The following CROCC2 variants were observed in gnomAD, a reference collection of about 807,000 sequenced individuals.
The protein encoded by CROCC2 is ciliary rootlet coiled-coil, rootletin family member 2.
In CROCC2, 163 loss-of-function variants were observed where a neutral mutation model predicts 177.6. The observed-to-expected ratio is 0.92, with a 90% CI of 0.81 to 1.05. The LOEUF is 1.05. Ranked by LOEUF, CROCC2 falls within the 50% of genes least tolerant of loss-of-function variation. CROCC2 has a pLI of 0.00. For synonymous variants in CROCC2, 904 were observed against 787.3 expected (o/e 1.15, Z -2.48); for missense variants, 1,929 against 1,797.8 (o/e 1.07, Z -1.32).
chr2:240,932,449 G>C lies in CROCC2; in HGVS notation c.1044+35G>C, dbSNP rs549633089. On this transcript the variant is annotated intron_variant, in intron 8 of 31. Transcript: ENST00000690015. ...CAGGACGGGGGTGGCTGTGTGGCAGGGGTCTGTCACCCTTGCTCAGGAGTC... is the reference window on the plus strand; with the variant it reads ...CAGGACGGGGGTGGCTGTGTGGCAGCGGTCTGTCACCCTTGCTCAGGAGTC... The C allele has an allele frequency of 1.2e-4, 86 of 717,304 alleles. No individual in the cohort carries two copies. In the East Asian group the frequency reaches 2.0e-3, roughly 17 times the overall value. 44.4% of individuals were successfully genotyped at this position (717,304 alleles called of 1,614,324 possible).
intron 27 of CROCC2, among the ~76,000 whole-genome samples, chr2:240,969,410 C>A (rs1365126188): frequency 6.6e-6 from 1 of 152,234 alleles, no homozygotes; most frequent in African/African-American, 2.4e-5. Flanking sequence ...GGGCAGAGAG[C>A]AGAGGCCAGG....
chr2:240,959,194 C>A (rs908217843), intron 19 of CROCC2, 107 bp from the exon 20 acceptor site: 17 of 1,317,542 alleles, frequency 1.3e-5, no homozygotes, highest in East Asian at 2.7e-5. Flanking sequence ...CCGGCTCCCC[C>A]TCCCAGGCCA....
chr2:240,925,668 GC>G, intron 4 of CROCC2, 55 bp from the exon 5 acceptor site: 3 of 648,718 alleles, frequency 4.6e-6, no homozygotes, highest in Middle Eastern at 2.5e-4. Flanking sequence ...GACTCTGAGC[GC>G]CTCTCTTAGG....
At chr2:240,987,150 C>A (rs1305696350) in intron 28 of CROCC2, among the ~76,000 whole-genome samples, 2 of 152,208 alleles carry the variant, frequency 1.3e-5, no homozygotes, top group East Asian at 3.9e-4. Context: ...GTGGACGCTG[C>A]TGGGGGTGGA....
chr2:240,949,124 C>A lies in CROCC2; in HGVS notation c.2482+27C>A. On this transcript the variant is annotated intron_variant, in intron 16 of 31. Coordinates refer to ENST00000690015, the MANE Select transcript of CROCC2 (RefSeq NM_001351305.2). This position sits in a 1 kb window ranked among gnomAD's most constrained non-coding sequence, Gnocchi z 4.5. ...TGCTCCAAGGGCGCTCCCTCAGCTC[C>A]TTCCCCGAAAGTCAGCCATGGAGGG... The A allele has an allele frequency of 2.0e-6, 3 of 1,500,634 alleles. No individual in the cohort carries two copies. The highest frequency in any genetic ancestry group is 2.7e-6 in the Non-Finnish European group (3 of 1,126,166). 93.0% of individuals were successfully genotyped at this position (1,500,634 alleles called of 1,614,324 possible). A position where few individuals can be genotyped will look rare whatever the true frequency, so the allele number is the denominator to read the frequency against.
chr2:240,982,757 G>C lies in CROCC2; in HGVS notation c.4402-123G>C, dbSNP rs1380513281. On this transcript the variant is annotated intron_variant, in intron 27 of 31. Coordinates refer to ENST00000690015, the MANE Select transcript of CROCC2 (RefSeq NM_001351305.2). This position sits in a 1 kb window ranked among gnomAD's most constrained non-coding sequence, Gnocchi z 4.7. ...GGTTGTCCTTAACCACGTTCTTGCT[G>C]TTTTCATCCCAGCGATACGGTCCTG... The C allele has an allele frequency of 2.4e-6, 2 of 819,046 alleles. No homozygotes were observed. Among genetic ancestry groups the C allele is most frequent in the Non-Finnish European group, 3.8e-6 (2 of 530,116 alleles). 50.7% of individuals were successfully genotyped at this position (819,046 alleles called of 1,614,324 possible).
At chr2:240,910,433 C>G (rs1384961767) in intron 1 of CROCC2, among the ~76,000 whole-genome samples, 2 of 148,760 alleles carry the variant, frequency 1.3e-5, no homozygotes, top group Non-Finnish European at 3.0e-5. Flanking sequence ...TCCATTACAT[C>G]CAAATTTTCA....
rs2059333553 is a variant in CROCC2, at chr2:240,918,413, G to A, written c.79-313G>A. ...CCTGTCAGCATCCCCTAGGGAACTG[G>A]CAACCGCTTAGCCAGCGCTCAGCCC... On this transcript the variant is annotated intron_variant, in intron 1 of 31. Transcript: ENST00000690015. The surrounding 1 kb of genome is among the most constrained non-coding windows in gnomAD (Gnocchi z 6.3). Among the ~76,000 whole-genome samples the A allele has an allele frequency of 6.6e-6, 1 of 152,190 alleles. No homozygotes were observed. Among genetic ancestry groups the A allele is most frequent in the Admixed American group, 6.5e-5 (1 of 15,280 alleles).
Position 240,949,820 on chromosome 2 carries a change from C to A in CROCC2, c.2652+118C>A. 2 of 1,109,970 alleles carry A rather than the reference C, an allele frequency of 1.8e-6. No individual in the cohort carries two copies. The highest frequency in any genetic ancestry group is 2.5e-6 in the Non-Finnish European group (2 of 788,824). The allele number at this position is 1,109,970 out of a possible 1,614,324, so 68.8% of individuals were successfully genotyped here. On this transcript the variant is annotated intron_variant, in intron 17 of 31. Coordinates refer to ENST00000690015, the MANE Select transcript of CROCC2 (RefSeq NM_001351305.2). This position sits in a 1 kb window ranked among gnomAD's most constrained non-coding sequence, Gnocchi z 4.5. ...AGAGCTCAGAGACATAGGCGCCTGG[C>A]CAGGGCTGGGCAAGGACCAGCTCAC...
At chr2:240,987,145 C>T (rs952091314) in intron 28 of CROCC2, among the ~76,000 whole-genome samples, 16 of 152,186 alleles carry the variant, frequency 1.1e-4, no homozygotes, top group African/African-American at 2.2e-4. Flanking sequence ...CTCCCGTGGA[C>T]GCTGCTGGGG....
rs796255116 is a variant in CROCC2 at position 240,934,445 on chromosome 2, G to A, written c.1761G>A (p.Glu587=). 1.4e-5 allele frequency: 22 copies of A among 1,548,454 alleles called. 1 individual carries two copies. The African/African-American group carries it at 2.9e-4, about 20-fold the overall frequency. ...TGCAGCGGGATGTCGTGGAGAGTGAGAGGGAGGGACTGCGCAGCGCCCTGG... is the reference window on the plus strand; with the variant it reads ...TGCAGCGGGATGTCGTGGAGAGTGAAAGGGAGGGACTGCGCAGCGCCCTGG... ...AQLQRDVVES[E]REGLRSALAR... The change falls in exon 12 of 32, where the codon GAG becomes GAA. Residue 587 remains glutamate, a synonymous_variant. Coordinates refer to ENST00000690015, the MANE Select transcript of CROCC2 (RefSeq NM_001351305.2).
At chr2:240,931,168 CG>C (rs1574756765) in intron 7 of CROCC2, 40 bp downstream of exon 7, 6 of 677,850 alleles carry the variant, frequency 8.9e-6, no homozygotes, top group South Asian at 1.6e-5. Flanking sequence ...AGGGAGGGCC[CG>C]GGGGGTCGGG....
rs1418138823 is a variant in CROCC2 at position 240,951,269 on chromosome 2, G to A, written c.2829+759G>A. Among the ~76,000 whole-genome samples the A allele has an allele frequency of 5.3e-5, 7 of 130,898 alleles. No individual in the cohort carries two copies. The East Asian group carries it at 7.3e-4, about 14-fold the overall frequency. 85.9% of individuals were successfully genotyped at this position (130,898 alleles called of 152,430 possible). On this transcript the variant is annotated intron_variant, in intron 18 of 31. Transcript: ENST00000690015. Reference sequence around the variant, plus strand: ...TGTCCATCCATTCATTCATCCATCCGTCTGTCCATCCATTCACCCATCCAT... The same window carrying A: ...TGTCCATCCATTCATTCATCCATCCATCTGTCCATCCATTCACCCATCCAT...
intron 1 of CROCC2, among the ~76,000 whole-genome samples, chr2:240,913,504 T>C (rs921559916): frequency 6.6e-5 from 10 of 152,242 alleles, no homozygotes; most frequent in African/African-American, 1.9e-4. Context: ...AGCAGTGCGC[T>C]GTGTCCGAGC....
intron 4 of CROCC2, among the ~76,000 whole-genome samples, chr2:240,925,411 C>T (rs1197133797): frequency 6.6e-6 from 1 of 152,216 alleles, no homozygotes; most frequent in African/African-American, 2.4e-5. Flanking sequence ...CACCTTGTCT[C>T]AGGCATTGAG....
chr2:240,974,703 C>T (rs1473177470), intron 27 of CROCC2, among the ~76,000 whole-genome samples: 1 of 151,904 alleles, frequency 6.6e-6, no homozygotes, highest in Non-Finnish European at 1.5e-5. Flanking sequence ...TTTCTTATTT[C>T]TTGAAAGGAA....
Position 240,993,067 on chromosome 2 carries a change from G to A in CROCC2, c.4948G>A (p.Ala1650Thr), listed in dbSNP as rs146695571. ...GCCTCCCTCTTTGCATCCCTGCAGC[G>A]CCCAAAGGGACTGAAGCTCCCAGCA... ...HLGQAFQTGH[A>T]QRD is the part of the protein sequence containing the mutation. The change falls in exon 32 of 32, where the codon GCC becomes ACC. Residue 1650 changes from alanine to threonine, a missense_variant and splice_region_variant. Transcript: ENST00000690015. The A allele has an allele frequency of 2.9e-4, 211 of 716,996 alleles. No individual in the cohort carries two copies. In the East Asian group the frequency reaches 3.4e-3, roughly 12 times the overall value. The allele number at this position is 716,996 out of a possible 1,614,324, so 44.4% of individuals were successfully genotyped here.
chr2:240,965,896 C>T lies in CROCC2; in HGVS notation c.3864C>T (p.Ala1288=). ...QAEGARQDAE[A]QLGRLCSTLR... is the part of the protein sequence containing the mutation. ...AGGGTGCAAGGCAGGATGCGGAGGCCCAGCTGGGCCGGCTGTGCTCCACGC... is the reference window on the plus strand; with the variant it reads ...AGGGTGCAAGGCAGGATGCGGAGGCTCAGCTGGGCCGGCTGTGCTCCACGC... Residue 1288 remains alanine, a synonymous_variant, in exon 24 of 32, where the codon GCC becomes GCT. Transcript: ENST00000690015. 7.0e-7 allele frequency: 1 copy of T among 1,432,100 alleles called. No individual in the cohort carries two copies. Among genetic ancestry groups the T allele is most frequent in the Non-Finnish European group, 9.2e-7 (1 of 1,091,608 alleles). The allele number at this position is 1,432,100 out of a possible 1,614,324, so 88.7% of individuals were successfully genotyped here.
Position 240,961,891 on chromosome 2 carries a change from TAC to T in CROCC2, c.3088-1656_3088-1655del, listed in dbSNP as rs199686612. Among the ~76,000 whole-genome samples, 557 of 126,516 alleles carry T rather than the reference TAC, an allele frequency of 4.4e-3. 18 individuals carry two copies. Among genetic ancestry groups the T allele is most frequent in the African/African-American group, 0.016 (495 of 30,634 alleles). 83.0% of individuals were successfully genotyped at this position (126,516 alleles called of 152,430 possible). ...ATCACACATGCTCATCACACACATG[TAC>T]ACACACACGTAGTGCATGCACAGGC... On this transcript the variant is annotated intron_variant, in intron 20 of 31. Transcript: ENST00000690015.
Sources: gnomAD v4.1 joint callset for allele counts (sites outside exome capture counted in the v4.1 genomes callset) on GRCh38, gnomAD v4.1.1 for gene constraint, Gnocchi (gnomAD v3.1) non-coding constraint, MANE v1.5 for transcripts, NCBI Gene and HGNC (gene_info 2026-07-23, HGNC 2026-07-21) for gene names.